Variants in UGGT1 observed in about 807,000 individuals in gnomAD.
UGGT1 encodes UDP-glucose:glycoprotein glucosyltransferase 1.
A neutral mutation model predicts 203.9 loss-of-function variants in UGGT1; 107 were observed. The ratio of observed to expected loss-of-function variants is 0.52; its 90% CI spans 0.45 to 0.62. The LOEUF (loss-of-function observed/expected upper bound fraction) is 0.62. UGGT1 is among the 20% of genes least tolerant of loss of function. UGGT1 has a pLI of 0.00. For synonymous variants in UGGT1, 628 were observed against 653.5 expected (o/e 0.96, Z 0.59); for missense variants, 1,673 against 1,867.2 (o/e 0.90, Z 1.92).
chr2:128,123,087 T>C (rs1558769667), intron 10 of UGGT1, 99 bp from the exon 11 acceptor site: 4 of 889,424 alleles, frequency 4.5e-6, no homozygotes, highest in Non-Finnish European at 6.5e-6. Flanking sequence ...CAGTTTTTTC[T>C]AATTTATTGA....
chr2:128,116,555 CT>C (rs1688111151), intron 8 of UGGT1, among the ~76,000 whole-genome samples: 1 of 151,940 alleles, frequency 6.6e-6, no homozygotes, highest in African/African-American at 2.4e-5. Context: ...GAGACAGGGT[CT>C]CGCTGTGTCG....
Position 128,194,646 on chromosome 2 carries a change from T to C in UGGT1, c.*4904T>C, listed in dbSNP as rs1173367120. 6.6e-6 allele frequency: 1 copy of C among 152,226 alleles called. No homozygotes were observed. The highest frequency in any genetic ancestry group is 1.5e-5 in the Non-Finnish European group (1 of 68,042). The allele number at this position is 152,226 out of a possible 1,614,324, so 9.4% of individuals were successfully genotyped here. A position where few individuals can be genotyped will look rare whatever the true frequency, so the allele number is the denominator to read the frequency against. ...ATTTTTGTGGGATGATTGGAGTTAA[T>C]CAAATAAAGCTTGTCATGTGTGTAG... On this transcript the variant is annotated 3_prime_UTR_variant, in exon 41 of 41. Coordinates refer to ENST00000259253, the MANE Select transcript of UGGT1 (RefSeq NM_020120.4).
At chr2:128,128,306 CCTTT>C (rs942805900) in intron 12 of UGGT1, among the ~76,000 whole-genome samples, 1 of 127,950 alleles carries the variant, frequency 7.8e-6, no homozygotes, top group African/African-American at 2.7e-5. Context: ...ATTTCTCCTT[CCTTT>C]CTATCTTTTT....
intron 8 of UGGT1, among the ~76,000 whole-genome samples, chr2:128,116,904 C>A (rs1037621552): frequency 6.6e-6 from 1 of 152,162 alleles, no homozygotes; most frequent in Non-Finnish European, 1.5e-5. Context: ...CAGTTGATGG[C>A]ATTAAGTTAC....
At chr2:128,172,517 A>T (rs1236396161) in intron 28 of UGGT1, 56 bp from the exon 29 acceptor site, 1 of 1,568,518 alleles carries the variant, frequency 6.4e-7, no homozygotes, top group Non-Finnish European at 8.7e-7. Context: ...AGGGCTGTGC[A>T]CTCAAGTCCT....
Position 128,164,815 on chromosome 2 carries a change from G to T in UGGT1, c.2911G>T (p.Asp971Tyr), listed in dbSNP as rs1690706567. ...AAGAATCGAGTACCAGTTTTTTGAA[G>T]ACAGACACAGGTATAGAATTAATGT... ...DPRIEYQFFEDRHSAIKLRPK... is the reference protein window; with the variant it reads ...DPRIEYQFFEYRHSAIKLRPK... Residue 971 changes from aspartate to tyrosine, a missense_variant, in exon 26 of 41, where the codon GAC becomes TAC. Physicochemically the swap from Asp to Tyr is radical, Grantham distance 160. Around this residue, in one of 4 missense-constraint regions of UGGT1, gnomAD observed 1,073 missense variants for 1,078.7 expected, o/e 0.99. Coordinates refer to ENST00000259253, the MANE Select transcript of UGGT1 (RefSeq NM_020120.4). The T allele has an allele frequency of 6.2e-7, 1 of 1,605,860 alleles. No homozygotes were observed. Among genetic ancestry groups the T allele is most frequent in the Non-Finnish European group, 8.5e-7 (1 of 1,177,326 alleles).
intron 31 of UGGT1, among the ~76,000 whole-genome samples, chr2:128,176,407 CA>C (rs757833629): frequency 0.17 from 11,946 of 70,296 alleles, 284 homozygotes; most frequent in Non-Finnish European, 0.19. Context: ...AACTCTGTCT[CA>C]AAAAAAAAAA....
At position 128,091,306 on chromosome 2, in the gene UGGT1, C is replaced by A; in HGVS notation, c.-52C>A. 6.7e-7 allele frequency: 1 copy of A among 1,501,270 alleles called. No individual in the cohort carries two copies. Among genetic ancestry groups the A allele is most frequent in the Non-Finnish European group, 8.9e-7 (1 of 1,121,668 alleles). The allele number at this position is 1,501,270 out of a possible 1,614,324, so 93.0% of individuals were successfully genotyped here. ...GCACTGCCGCTGCCGCCTCGCCCCG[C>A]CCTGCCCTGGCGTTGTCTCTGGCAC... On this transcript the variant is annotated 5_prime_UTR_variant, in exon 1 of 41. Transcript: ENST00000259253.
At chr2:128,115,354 T>A (rs984947414) in intron 7 of UGGT1, 134 bp downstream of exon 7, 17 of 710,490 alleles carry the variant, frequency 2.4e-5, no homozygotes, top group Non-Finnish European at 3.7e-5. Context: ...TACACCTGAG[T>A]GGGTGACCCT....
At chr2:128,121,118 G>A (rs1346379496) in intron 9 of UGGT1, 81 bp from the exon 10 acceptor site, 3 of 1,281,296 alleles carry the variant, frequency 2.3e-6, no homozygotes, top group Non-Finnish European at 3.4e-6. Flanking sequence ...TGAAAAGAGT[G>A]GGAAGTAAAT....
chr2:128,159,320 C>T (rs572807218), intron 22 of UGGT1, among the ~76,000 whole-genome samples, 194 bp from the exon 23 acceptor site: 3 of 151,978 alleles, frequency 2.0e-5, no homozygotes, highest in East Asian at 1.9e-4. Context: ...AGGCTGGTCT[C>T]GAACTCCTGA....
At chr2:128,117,098 T>C (rs1688137585) in intron 8 of UGGT1, among the ~76,000 whole-genome samples, 1 of 152,176 alleles carries the variant, frequency 6.6e-6, no homozygotes, top group Admixed American at 6.5e-5. Context: ...TTTATTTATT[T>C]ATTTTTTTTG....
chr2:128,187,187 G>A, intron 39 of UGGT1: 1 of 342,624 alleles, frequency 2.9e-6, no homozygotes, highest in Non-Finnish European at 5.2e-6. Flanking sequence ...GTCACTCCTT[G>A]GCTTCCAGTT....
intron 5 of UGGT1, among the ~76,000 whole-genome samples, chr2:128,111,696 T>G (rs1466701033): frequency 6.6e-6 from 1 of 151,782 alleles, no homozygotes; most frequent in Non-Finnish European, 1.5e-5. Flanking sequence ...GGGGTTTCAC[T>G]GTGTTAGCCA....
At chr2:128,126,217 C>T (rs947422145) in intron 11 of UGGT1, among the ~76,000 whole-genome samples, 1 of 151,606 alleles carries the variant, frequency 6.6e-6, no homozygotes, top group Admixed American at 6.6e-5. Context: ...GGTGGGATTA[C>T]AGGCATGAAC....
Position 128,182,260 on chromosome 2 carries a change from G to C in UGGT1, c.4214G>C (p.Ser1405Thr). Residue 1405 changes from serine to threonine, a missense_variant, in exon 37 of 41, where the codon AGT (serine) becomes ACT (threonine). Coordinates refer to ENST00000259253, the MANE Select transcript of UGGT1 (RefSeq NM_020120.4). ...TTCTGGAAGTCAGGGTACTGGGCCAGTCATTTAGCCGGGCGAAAGTATCAT... is the reference window on the plus strand; with the variant it reads ...TTCTGGAAGTCAGGGTACTGGGCCACTCATTTAGCCGGGCGAAAGTATCAT... The part of the protein sequence containing the change: ...YRFWKSGYWA[S>T]HLAGRKYHIS... 1 of 1,613,814 alleles carries C rather than the reference G, an allele frequency of 6.2e-7. No individual in the cohort carries two copies.
intron 28 of UGGT1, 198 bp downstream of exon 28, chr2:128,171,482 T>C: frequency 1.8e-6 from 1 of 551,828 alleles, no homozygotes; most frequent in South Asian, 2.4e-5. Context: ...TTAGGTGGCA[T>C]TAACCCAGGC....
At chr2:128,171,365 G>C (rs1457204868) in intron 28 of UGGT1, 81 bp downstream of exon 28, 2 of 1,267,212 alleles carry the variant, frequency 1.6e-6, no homozygotes, top group Non-Finnish European at 2.2e-6. Context: ...AGGATCAGAT[G>C]GATTTATAGG....
chr2:128,136,465 T>C (rs1003762571), intron 15 of UGGT1, among the ~76,000 whole-genome samples: 3 of 152,188 alleles, frequency 2.0e-5, no homozygotes, highest in Non-Finnish European at 4.4e-5. Context: ...TCATACGGCG[T>C]GTGCCTATTC....
Sources: allele counts gnomAD v4.1 joint callset (sites outside exome capture counted in the v4.1 genomes callset), GRCh38; gene constraint gnomAD v4.1.1; regional missense constraint gnomAD v4.1.1; transcripts MANE v1.5; gene names NCBI Gene and HGNC (gene_info 2026-07-23, HGNC 2026-07-21).